Variants in RCAN2 observed in about 807,000 individuals in gnomAD.
RCAN2 encodes the protein regulator of calcineurin 2.
Under a neutral mutation model 23.6 loss-of-function variants are expected in RCAN2, and 9 were observed. The ratio of observed to expected loss-of-function variants is 0.38; its 90% CI spans 0.23 to 0.67. The LOEUF (loss-of-function observed/expected upper bound fraction) is 0.67, where lower values mean the gene tolerates loss of function less well. Ranked by LOEUF, RCAN2 falls within the 30% of genes least tolerant of loss-of-function variation. The pLI is 0.51. For synonymous variants in RCAN2, 109 were observed against 115.7 expected (o/e 0.94, Z 0.37); for missense variants, 273 against 302.3 (o/e 0.90, Z 0.72).
chr6:46,296,085 GTGTGTGTGTGTGTGTGTGTC>G (rs1257554017), intron 2 of RCAN2, among the ~76,000 whole-genome samples: 4 of 150,396 alleles, frequency 2.7e-5, no homozygotes, highest in African/African-American at 9.8e-5. Flanking sequence ...GTGTGTGTGT[GTGTGTGTGTGTGTGTGTGTC>G]TGTGTGTGTG....
At chr6:46,423,067 G>A (rs372415000) in intron 2 of RCAN2, among the ~76,000 whole-genome samples, 15 of 152,130 alleles carry the variant, frequency 9.9e-5, no homozygotes, top group Admixed American at 2.6e-4. Flanking sequence ...AGGTCCAGGT[G>A]TTTCATTTGG....
chr6:46,283,375 C>T (rs1415239816), intron 2 of RCAN2, among the ~76,000 whole-genome samples: 1 of 152,046 alleles, frequency 6.6e-6, no homozygotes, highest in African/African-American at 2.4e-5. Flanking sequence ...CCCAGGAGAT[C>T]GAGGTTGCAG....
At chr6:46,457,008 T>C (rs1232354150) in intron 1 of RCAN2, 30 bp from the exon 2 acceptor site, 2 of 1,475,078 alleles carry the variant, frequency 1.4e-6, no homozygotes, top group African/African-American at 2.8e-5. Flanking sequence ...CATGTGTTAC[T>C]GCAGAACAAA....
chr6:46,315,716 C>T (rs1582096291), intron 2 of RCAN2, among the ~76,000 whole-genome samples: 1 of 152,238 alleles, frequency 6.6e-6, no homozygotes, highest in Admixed American at 6.5e-5. Context: ...GGGGGTTCTA[C>T]ACTTGCTTTT....
At chr6:46,386,572 T>TACCCC (rs1765758468) in intron 2 of RCAN2, among the ~76,000 whole-genome samples, 1 of 129,134 alleles carries the variant, frequency 7.7e-6, no homozygotes, top group Non-Finnish European at 1.6e-5. Context: ...CGCGCCACTG[T>TACCCC]ACCCCAGCCT....
intron 2 of RCAN2, among the ~76,000 whole-genome samples, chr6:46,326,566 A>G (rs1408083971): frequency 2.0e-5 from 3 of 152,246 alleles, no homozygotes; most frequent in Non-Finnish European, 2.9e-5. Context: ...TAATAAATAA[A>G]TCAATCAAAC....
At position 46,291,784 on chromosome 6, in the gene RCAN2, G is replaced by A. The variant is rs1333371669; in HGVS notation, c.226-42888C>T. Among the ~76,000 whole-genome samples, 3 of 151,998 alleles carry A rather than the reference G, an allele frequency of 2.0e-5. No individual in the cohort carries two copies. In the East Asian group the frequency reaches 5.8e-4, roughly 29 times the overall value. ...CTAAGGATACACCTGCCCCTGAAAT[G>A]CAGTTTTTGTGGTGCCCTATGCATA... is the stretch of plus-strand genomic sequence containing the variant. On this transcript the variant is annotated intron_variant, in intron 2 of 4. Coordinates refer to ENST00000371374, the MANE Select transcript of RCAN2 (RefSeq NM_001251974.2).
intron 2 of RCAN2, among the ~76,000 whole-genome samples, chr6:46,454,272 A>G (rs1767960581): frequency 1.3e-5 from 2 of 152,222 alleles, no homozygotes; most frequent in Non-Finnish European, 2.9e-5. Flanking sequence ...ATTTTATCAT[A>G]ATAGTTTTTT....
intron 2 of RCAN2, among the ~76,000 whole-genome samples, chr6:46,275,151 G>A (rs774238179): frequency 3.5e-4 from 53 of 151,670 alleles, no homozygotes; most frequent in Non-Finnish European, 7.1e-4. Flanking sequence ...GGAGTACAGT[G>A]GTGCAATCAT....
intron 2 of RCAN2, among the ~76,000 whole-genome samples, chr6:46,385,495 A>G (rs1450154330): frequency 6.6e-6 from 1 of 152,230 alleles, no homozygotes; most frequent in African/African-American, 2.4e-5. Context: ...GGCTAGCCAT[A>G]AGCAGAAAAC....
chr6:46,320,182 G>A (rs1175666321), intron 2 of RCAN2, among the ~76,000 whole-genome samples: 1 of 152,174 alleles, frequency 6.6e-6, no homozygotes, highest in Non-Finnish European at 1.5e-5. Flanking sequence ...ATGATTGGTT[G>A]TGCCCAGATC....
At chr6:46,310,485 T>G (rs73735748) in intron 2 of RCAN2, among the ~76,000 whole-genome samples, 3 of 152,012 alleles carry the variant, frequency 2.0e-5, no homozygotes, top group African/African-American at 7.3e-5. Context: ...ATGAGAAGCA[T>G]GCAGTGTCCC....
intron 2 of RCAN2, among the ~76,000 whole-genome samples, chr6:46,293,029 C>A (rs961744778): frequency 6.6e-6 from 1 of 152,152 alleles, no homozygotes; most frequent in African/African-American, 2.4e-5. Flanking sequence ...CAGCTTCATC[C>A]ATGTCCCTGC....
intron 2 of RCAN2, among the ~76,000 whole-genome samples, chr6:46,280,852 A>G (rs1414470004): frequency 6.6e-6 from 1 of 152,252 alleles, no homozygotes; most frequent in East Asian, 1.9e-4. Flanking sequence ...ACACACATGC[A>G]TGTGCATACA....
chr6:46,274,275 C>T (rs765989726), intron 2 of RCAN2, among the ~76,000 whole-genome samples: 1 of 152,136 alleles, frequency 6.6e-6, no homozygotes, highest in Non-Finnish European at 1.5e-5. Context: ...CACTGAATCC[C>T]ATTACTCTAT....
Position 46,479,709 on chromosome 6 carries a change from A to C in RCAN2, c.-3+11464T>G, listed in dbSNP as rs571478965. ...GCAATTCTCCTGCCTCAGCCTCCTG[A>C]GTAGCTGGGACTACAGGCACTCACC... On this transcript the variant is annotated intron_variant, in intron 1 of 4. Transcript: ENST00000371374. Among the ~76,000 whole-genome samples the C allele has an allele frequency of 3.1e-3, 463 of 150,614 alleles. 3 individuals carry two copies. Among genetic ancestry groups the C allele is most frequent in the Admixed American group, 4.5e-3 (67 of 14,992 alleles).
chr6:46,439,596 T>C (rs555726557), intron 2 of RCAN2, among the ~76,000 whole-genome samples: 1 of 152,240 alleles, frequency 6.6e-6, no homozygotes, highest in South Asian at 2.1e-4. Flanking sequence ...AGGAATCACT[T>C]TGAAAGGGAC....
intron 2 of RCAN2, among the ~76,000 whole-genome samples, chr6:46,347,091 A>G (rs1450009451): frequency 6.6e-6 from 1 of 152,104 alleles, no homozygotes; most frequent in African/African-American, 2.4e-5. Context: ...TAGCCAGGAT[A>G]GTCTCAATCA....
At chr6:46,258,095 C>T (rs1178234212) in intron 2 of RCAN2, among the ~76,000 whole-genome samples, 1 of 152,220 alleles carries the variant, frequency 6.6e-6, no homozygotes, top group African/African-American at 2.4e-5. Context: ...TGGCATCTCT[C>T]AAAATCACAA....
Sources: allele counts gnomAD v4.1 joint callset (sites outside exome capture counted in the v4.1 genomes callset), GRCh38; gene constraint gnomAD v4.1.1; transcripts MANE v1.5; gene names NCBI Gene and HGNC (gene_info 2026-07-23, HGNC 2026-07-21).